The following DDX46 variants were observed in gnomAD, a reference collection of about 807,000 sequenced individuals.
The protein encoded by DDX46 is DEAD-box helicase 46.
Under a neutral mutation model 134.9 loss-of-function variants are expected in DDX46, and 30 were observed. That is an observed-to-expected ratio of 0.22 (90% CI 0.17 to 0.30). DDX46 has a LOEUF of 0.30. Among genes scored for constraint, DDX46 ranks in the 10% least tolerant of loss-of-function variants. DDX46 has a pLI of 1.00. For missense variants in DDX46, 622 were observed against 1,248.7 expected (o/e 0.50, Z 7.56); for synonymous variants, 415 against 404.1 (o/e 1.03, Z -0.32).
chr5:134,809,735 G>C (rs989580320), intron 16 of DDX46, among the ~76,000 whole-genome samples: 2 of 151,966 alleles, frequency 1.3e-5, no homozygotes, highest in African/African-American at 4.8e-5. Flanking sequence ...TTGGCCGGGC[G>C]CGGTGGCTCA....
intron 16 of DDX46, among the ~76,000 whole-genome samples, chr5:134,810,633 T>G (rs766292233): frequency 2.7e-5 from 4 of 149,744 alleles, no homozygotes; most frequent in Non-Finnish European, 5.9e-5. Flanking sequence ...CGTGAGCCAC[T>G]GCGTCCAGCC....
chr5:134,822,110 C>G (rs967208580), intron 21 of DDX46, among the ~76,000 whole-genome samples: 1 of 151,938 alleles, frequency 6.6e-6, no homozygotes, highest in East Asian at 1.9e-4. Flanking sequence ...AACTCCTGAC[C>G]TCAGGTGAAC....
chr5:134,781,113 A>G lies in DDX46; in HGVS notation c.766-20A>G, dbSNP rs776045024. 9.7e-6 allele frequency: 15 copies of G among 1,544,576 alleles called. No individual in the cohort carries two copies. The highest frequency in any genetic ancestry group is 6.9e-5 in the Admixed American group (3 of 43,364). On this transcript the variant is annotated intron_variant, in intron 6 of 22. Transcript: ENST00000452510. ...GTGTTTCAGCTTTGCAAAATATTCT[A>G]TATTTGTTCTTTATTTTAGAAGTCT... is the stretch of plus-strand genomic sequence containing the variant.
At position 134,763,936 on chromosome 5, in the gene DDX46, G is replaced by T; in HGVS notation, c.50G>T (p.Arg17Leu). The stretch of plus-strand genomic sequence containing the variant: ...CGAAAACGATCGGCATCCCGGGGTC[G>T]CTCTGGAAGTCGGTCTAGAAGTCGC... The part of the protein sequence containing the change: ...HYRKRSASRG[R>L]SGSRSRSRSP... The change falls in exon 2 of 23, where the codon CGC (arginine) becomes CTC (leucine). Residue 17 changes from arginine to leucine, a missense_variant. By Grantham distance (102) the Arg-to-Leu change is moderately radical. Around this residue, in one of 8 missense-constraint regions of DDX46, gnomAD observed 244 missense variants for 349.3 expected, o/e 0.70. Transcript: ENST00000452510. 2 of 1,614,072 alleles carry T rather than the reference G, an allele frequency of 1.2e-6. No homozygotes were observed. Among genetic ancestry groups the T allele is most frequent in the African/African-American group, 1.3e-5 (1 of 75,024 alleles).
At chr5:134,797,723 C>T (rs780704358) in intron 15 of DDX46, among the ~76,000 whole-genome samples, 1 of 152,226 alleles carries the variant, frequency 6.6e-6, no homozygotes, top group African/African-American at 2.4e-5. Context: ...CTTTGAAATA[C>T]AGTCTACTTC....
chr5:134,808,046 T>C lies in DDX46; in HGVS notation c.2148+105T>C, dbSNP rs562901940. ...AGGAGTTATGGAGACATTTTGAAAA[T>C]CTTTAATCCACATAATGTGAAGAGT... On this transcript the variant is annotated intron_variant, in intron 16 of 22. Coordinates refer to ENST00000452510, the MANE Select transcript of DDX46 (RefSeq NM_001300860.2). The C allele has an allele frequency of 4.7e-5, 49 of 1,052,020 alleles. No individual in the cohort carries two copies. The African/African-American group carries it at 7.2e-4, about 16-fold the overall frequency. The allele number at this position is 1,052,020 out of a possible 1,614,324, so 65.2% of individuals were successfully genotyped here.
At chr5:134,801,478 A>G (rs549553901) in intron 15 of DDX46, among the ~76,000 whole-genome samples, 11 of 152,158 alleles carry the variant, frequency 7.2e-5, no homozygotes, top group South Asian at 4.2e-4. Context: ...GCTCACTGCA[A>G]CGTCTACCTC....
At chr5:134,798,235 G>C (rs1754727477) in intron 15 of DDX46, among the ~76,000 whole-genome samples, 1 of 148,894 alleles carries the variant, frequency 6.7e-6, no homozygotes, top group Admixed American at 6.8e-5. Flanking sequence ...CTGTCACCCA[G>C]GCTGGAGTGC....
At chr5:134,806,489 T>C (rs1229731470) in intron 15 of DDX46, among the ~76,000 whole-genome samples, 1 of 152,226 alleles carries the variant, frequency 6.6e-6, no homozygotes, top group Non-Finnish European at 1.5e-5. Context: ...AAGGATACTT[T>C]AGGCTAAAGT....
Position 134,831,021 on chromosome 5 carries a change from T to C in DDX46, c.*2315T>C, listed in dbSNP as rs1755723689. ...ACATTTTTTAGTGTCACACTGACTT[T>C]TAAAATTTGAATGATATATAGACTT... On this transcript the variant is annotated 3_prime_UTR_variant, in exon 23 of 23. Transcript: ENST00000452510. 1 of 152,614 alleles carries C rather than the reference T, an allele frequency of 6.6e-6. No homozygotes were observed. The highest frequency in any genetic ancestry group is 2.4e-5 in the African/African-American group (1 of 41,464). 9.5% of individuals were successfully genotyped at this position (152,614 alleles called of 1,614,324 possible).
intron 6 of DDX46, among the ~76,000 whole-genome samples, chr5:134,778,392 C>A (rs2150138155): frequency 6.6e-6 from 1 of 152,086 alleles, no homozygotes; most frequent in East Asian, 1.9e-4. Context: ...TACATTTTGA[C>A]AAATTATATA....
At chr5:134,785,660 TTTAC>T in intron 11 of DDX46, 74 bp downstream of exon 11, 1 of 1,503,376 alleles carries the variant, frequency 6.7e-7, no homozygotes, top group Non-Finnish European at 8.9e-7. Flanking sequence ...AAAAGTGACT[TTTAC>T]TTTTAGTTTT....
chr5:134,817,809 C>T (rs1755321890), intron 20 of DDX46, 95 bp downstream of exon 20: 2 of 972,694 alleles, frequency 2.1e-6, no homozygotes, highest in South Asian at 1.7e-5. Flanking sequence ...ATTTTAATAG[C>T]TCCTTCACTC....
At position 134,762,280 on chromosome 5, in the gene DDX46, C is replaced by T. The variant is rs79262146; in HGVS notation, c.18-1624C>T. ...AAAAAAAAAAAAAAATTGGTGGGCG[C>T]GGTGGTGTGTGCCTTTGGTCTCAGC... On this transcript the variant is annotated intron_variant, in intron 1 of 22. Coordinates refer to ENST00000452510, the MANE Select transcript of DDX46 (RefSeq NM_001300860.2). 1.3e-4 allele frequency among the ~76,000 whole-genome samples: 20 copies of T among 148,948 alleles called. No individual in the cohort carries two copies. In the East Asian group the frequency reaches 3.2e-3, roughly 24 times the overall value.
chr5:134,788,686 A>G (rs1403719490), intron 12 of DDX46, 95 bp downstream of exon 12: 17 of 1,134,562 alleles, frequency 1.5e-5, no homozygotes, highest in Non-Finnish European at 2.1e-5. Flanking sequence ...GGGTTTCTAT[A>G]TTTCTTCTTA....
At chr5:134,788,330 T>G (rs1424205028) in intron 11 of DDX46, among the ~76,000 whole-genome samples, 183 bp from the exon 12 acceptor site, 5 of 152,160 alleles carry the variant, frequency 3.3e-5, no homozygotes, top group African/African-American at 4.8e-5. Context: ...CTTATTTGTT[T>G]CAAATTTATG....
chr5:134,761,568 T>G (rs570746091), intron 1 of DDX46, among the ~76,000 whole-genome samples: 2 of 152,302 alleles, frequency 1.3e-5, no homozygotes, highest in Non-Finnish European at 2.9e-5. Flanking sequence ...GCTGTCCAGT[T>G]TATATTTCTA....
At chr5:134,806,048 A>G (rs964876615) in intron 15 of DDX46, among the ~76,000 whole-genome samples, 6 of 152,040 alleles carry the variant, frequency 3.9e-5, no homozygotes, top group Non-Finnish European at 7.4e-5. Context: ...CCCTGTCTCT[A>G]CTAAAGATAC....
intron 14 of DDX46, 40 bp downstream of exon 14, chr5:134,795,054 C>T (rs1754608867): frequency 2.5e-6 from 4 of 1,606,260 alleles, no homozygotes; most frequent in South Asian, 2.2e-5. Flanking sequence ...TTCCTTGATA[C>T]TTAGGTGGTA....
Sources: gnomAD v4.1 joint callset for allele counts (sites outside exome capture counted in the v4.1 genomes callset) on GRCh38, gnomAD v4.1.1 for gene constraint, gnomAD v4.1.1 regional missense constraint, MANE v1.5 for transcripts, NCBI Gene and HGNC (gene_info 2026-07-23, HGNC 2026-07-21) for gene names.